The following ANK3 variants were observed in gnomAD, a reference collection of about 807,000 sequenced individuals.
The protein encoded by ANK3 is ankyrin 3, also known as ankyrin-3.
ANK3 carries 57 observed loss-of-function variants against 370.9 expected under a neutral mutation model. That is an observed-to-expected ratio of 0.15 (90% confidence interval 0.12 to 0.19). The LOEUF is 0.19. Among genes scored for constraint, ANK3 ranks in the 10% least tolerant of loss-of-function variants. The pLI, the probability that ANK3 is intolerant of heterozygous loss-of-function variation, is 1.00. For missense variants in ANK3, 4,439 were observed against 5,302.1 expected (o/e 0.84, Z 5.06); for synonymous variants, 1,929 against 1,946.3 (o/e 0.99, Z 0.23).
intron 7 of ANK3, among the ~76,000 whole-genome samples, chr10:60,250,130 G>T (rs989502211): frequency 5.3e-5 from 8 of 152,284 alleles, no homozygotes; most frequent in African/African-American, 1.9e-4. Flanking sequence ...AGACTTCCAT[G>T]ACTCAACTTT....
chr10:60,196,673 G>A, intron 14 of ANK3, 48 bp from the exon 15 acceptor site: 2 of 1,284,772 alleles, frequency 1.6e-6, no homozygotes, highest in Non-Finnish European at 2.2e-6. Context: ...AATGACATAA[G>A]GAAAACACAC....
In ANK3 at chr10:60,492,755, C is replaced by T. The variant is rs1299724010; in HGVS notation, c.96+122431G>A. ...AAAGAAAGAAAAAAAAAAGAAATGG[C>T]ACTGCGTGTTTGGGGGAAAATAATA... On this transcript the variant is annotated intron_variant, in intron 2 of 43. Transcript: ENST00000373827. 5.1e-5 allele frequency among the ~76,000 whole-genome samples: 7 copies of T among 136,052 alleles called. No homozygotes were observed. The East Asian group carries it at 1.5e-3, about 29-fold the overall frequency. 89.3% of individuals were successfully genotyped at this position (136,052 alleles called of 152,430 possible). A position where few individuals can be genotyped will look rare whatever the true frequency, so the allele number is the denominator to read the frequency against.
At chr10:60,363,663 C>A (rs72824143) in intron 1 of ANK3, among the ~76,000 whole-genome samples, 1 of 152,176 alleles carries the variant, frequency 6.6e-6, no homozygotes, top group East Asian at 1.9e-4. Context: ...TATAAGGGCA[C>A]AGCCCAATAA....
upstream of ANK3, among the ~76,000 whole-genome samples, chr10:60,394,087 G>A (rs571504847): frequency 4.1e-4 from 61 of 150,264 alleles, no homozygotes; most frequent in African/African-American, 1.3e-3. Flanking sequence ...GAGCAGCCTC[G>A]CCATAAGAGA....
rs867077213 is a variant in ANK3, at chr10:60,289,709, T to C, written c.115-10070A>G. On this transcript the variant is annotated intron_variant, in intron 1 of 43. Transcript: ENST00000280772. ...CCAGCCTTATGCCCCCTGCTTTTCA[T>C]AGCCAGAAACTAAAGATGAGAGGCT... 6.6e-5 allele frequency among the ~76,000 whole-genome samples: 10 copies of C among 152,318 alleles called. No homozygotes were observed. The South Asian group carries it at 1.4e-3, about 22-fold the overall frequency.
intron 2 of ANK3, chr10:60,507,640 C>T (rs1043979120): frequency 6.6e-6 from 1 of 151,852 alleles, no homozygotes; most frequent in African/African-American, 2.4e-5. Context: ...TTCAATTGTT[C>T]AGAGTGAAAA....
At chr10:60,699,159 C>T (rs1363458026) in intron 1 of ANK3, among the ~76,000 whole-genome samples, 1 of 151,746 alleles carries the variant, frequency 6.6e-6, no homozygotes, top group African/African-American at 2.4e-5. Flanking sequence ...GGGTAGAAGA[C>T]TACAAAAAGG....
chr10:60,168,625 G>T (rs751984425), intron 21 of ANK3, among the ~76,000 whole-genome samples: 1 of 152,060 alleles, frequency 6.6e-6, no homozygotes, highest in Admixed American at 6.6e-5. Flanking sequence ...GTGCCATGGT[G>T]GTTTACTGCA....
chr10:60,675,634 T>A (rs191041381), intron 1 of ANK3, among the ~76,000 whole-genome samples: 6 of 152,348 alleles, frequency 3.9e-5, no homozygotes, highest in Admixed American at 2.6e-4. Context: ...AAGTAACATA[T>A]ACTAAATTTG....
intron 1 of ANK3, among the ~76,000 whole-genome samples, chr10:60,668,545 T>C (rs950152936): frequency 1.3e-5 from 2 of 152,118 alleles, no homozygotes; most frequent in South Asian, 2.1e-4. Flanking sequence ...TTCTTAATCA[T>C]AGGGATATTA....
At chr10:60,582,789 C>T (rs2077773401) in intron 2 of ANK3, among the ~76,000 whole-genome samples, 1 of 151,964 alleles carries the variant, frequency 6.6e-6, no homozygotes, top group South Asian at 2.1e-4. Context: ...TTGACTGCTT[C>T]CCTCACTGTG....
rs565770142 is a variant in ANK3, at chr10:60,719,184, C to G, written c.57+14079G>C. On this transcript the variant is annotated intron_variant, in intron 1 of 43. Coordinates refer to the ANK3 transcript ENST00000373827. ...TGCTTTACTATTTGTAGCTCTAACT[C>G]ACTTTTAAATTATCACTTTCCATAT... is the stretch of plus-strand genomic sequence containing the variant. Among the ~76,000 whole-genome samples the G allele has an allele frequency of 4.6e-5, 7 of 152,208 alleles. No homozygotes were observed. The East Asian group carries it at 1.3e-3, about 29-fold the overall frequency.
At chr10:60,724,493 A>T (rs916990840) in intron 1 of ANK3, among the ~76,000 whole-genome samples, 8 of 152,192 alleles carry the variant, frequency 5.3e-5, no homozygotes, top group Non-Finnish European at 1.2e-4. Context: ...ATTTTTAGAT[A>T]CAATAGGATA....
At chr10:60,570,841 TAG>T (rs1361493384) in intron 2 of ANK3, among the ~76,000 whole-genome samples, 1 of 151,620 alleles carries the variant, frequency 6.6e-6, no homozygotes, top group African/African-American at 2.4e-5. Context: ...AATTTCAAGG[TAG>T]AGAGAGGGGA....
intron 2 of ANK3, among the ~76,000 whole-genome samples, chr10:60,546,827 TGA>T: frequency 6.6e-6 from 1 of 152,200 alleles, no homozygotes; most frequent in Non-Finnish European, 1.5e-5. Context: ...GGCCACTCTA[TGA>T]GAGGCAGATC....
chr10:60,218,558 G>A (rs2132477434), intron 8 of ANK3, among the ~76,000 whole-genome samples: 1 of 152,200 alleles, frequency 6.6e-6, no homozygotes, highest in Non-Finnish European at 1.5e-5. Context: ...TTTTTAGCTG[G>A]ATATGAAATT....
rs2059519128 is a variant in ANK3 at position 60,367,309 on chromosome 10, T to C, written c.114+22116A>G. Among the ~76,000 whole-genome samples, 4 of 152,188 alleles carry C rather than the reference T, an allele frequency of 2.6e-5. No individual in the cohort carries two copies. In the South Asian group the frequency reaches 8.3e-4, roughly 32 times the overall value. ...TTCATCAGACTGCCTTTATGAAAAATTGAAACAGAATATTCTCCAAGTGGG... is the reference window on the plus strand; with the variant it reads ...TTCATCAGACTGCCTTTATGAAAAACTGAAACAGAATATTCTCCAAGTGGG... On this transcript the variant is annotated intron_variant, in intron 1 of 43. Transcript: ENST00000280772.
rs187005252 is a variant in ANK3 at position 60,644,154 on chromosome 10, A to T, written c.58-28930T>A. Among the ~76,000 whole-genome samples the T allele has an allele frequency of 2.4e-3, 369 of 152,298 alleles. 2 individuals carry two copies. The highest frequency in any genetic ancestry group is 6.8e-3 in the Middle Eastern group (2 of 294). ...TGCTTATCTGTTGGAGAAGAGAGTA[A>T]TGAATGTAAGATGACTTCTCGTCTC... On this transcript the variant is annotated intron_variant, in intron 1 of 43. Transcript: ENST00000373827.
chr10:60,165,612 T>C (rs931735184), intron 23 of ANK3, among the ~76,000 whole-genome samples: 1 of 152,150 alleles, frequency 6.6e-6, no homozygotes, highest in Non-Finnish European at 1.5e-5. Flanking sequence ...TAGGCAAGCT[T>C]TTCCACTATT....
Sources: gnomAD v4.1 joint callset for allele counts (sites outside exome capture counted in the v4.1 genomes callset) on GRCh38, gnomAD v4.1.1 for gene constraint, MANE v1.5 for transcripts, NCBI Gene and HGNC (gene_info 2026-07-23, HGNC 2026-07-21) for gene names.